Variants in PITHD1 observed in about 807,000 individuals in gnomAD.
PITHD1 encodes PITH domain containing 1, also known as PITH domain-containing protein 1.
Under a neutral mutation model 27.5 loss-of-function variants are expected in PITHD1, and 8 were observed. The ratio of observed to expected loss-of-function variants is 0.29; its 90% CI spans 0.17 to 0.52. The LOEUF (loss-of-function observed/expected upper bound fraction) is 0.52. Ranked by LOEUF, PITHD1 falls within the 20% of genes least tolerant of loss-of-function variation. The pLI is 0.96. For synonymous variants in PITHD1, 118 were observed against 106.8 expected, an observed-to-expected ratio of 1.10 and a Z score of -0.64; for missense variants, 233 against 283.9, an observed-to-expected ratio of 0.82 and a Z score of 1.29.
intron 5 of PITHD1, among the ~76,000 whole-genome samples, chr1:23,786,848 T>C (rs1010515271): frequency 5.3e-5 from 8 of 152,042 alleles, no homozygotes; most frequent in Non-Finnish European, 1.2e-4. Flanking sequence ...CATCTCAGCC[T>C]CCCAAAATGT....
At chr1:23,785,848 C>A in intron 4 of PITHD1, 69 bp downstream of exon 4, 1 of 830,098 alleles carries the variant, frequency 1.2e-6, no homozygotes, top group African/African-American at 1.7e-5. Context: ...TTTGGCCAGT[C>A]TCCTGCTCTC....
intron 3 of PITHD1, among the ~76,000 whole-genome samples, chr1:23,784,104 A>G (rs540109625): frequency 6.6e-6 from 1 of 152,304 alleles, no homozygotes; most frequent in South Asian, 2.1e-4. Flanking sequence ...CTTGAATCCT[A>G]GAAAGTCTAG....
rs763538236 is a variant in PITHD1 at position 23,778,647 on chromosome 1, C to T, written c.132C>T (p.Asn44=). The T allele has an allele frequency of 3.8e-6, 5 of 1,328,750 alleles. No individual in the cohort carries two copies. The highest frequency in any genetic ancestry group is 3.8e-6 in the Non-Finnish European group (4 of 1,040,062). 82.3% of individuals were successfully genotyped at this position (1,328,750 alleles called of 1,614,324 possible). The change falls in exon 1 of 6, where the codon AAC becomes AAT. Residue 44 remains asparagine, a synonymous_variant. Coordinates refer to ENST00000246151, the MANE Select transcript of PITHD1 (RefSeq NM_020362.5). ...RIDLERLQCL[N]ESREGSGRGV... ...ACCTGGAGCGGCTGCAATGCCTTAACGAGAGCCGCGAGGGCAGCGGCCGCG... is the reference window on the plus strand; with the variant it reads ...ACCTGGAGCGGCTGCAATGCCTTAATGAGAGCCGCGAGGGCAGCGGCCGCG...
chr1:23,786,257 T>G, intron 4 of PITHD1, 58 bp from the exon 5 acceptor site: 67 of 728,722 alleles, frequency 9.2e-5, no homozygotes, highest in Non-Finnish European at 1.5e-4. Flanking sequence ...CACATGGTGG[T>G]GAGATACTCA....
intron 3 of PITHD1, among the ~76,000 whole-genome samples, chr1:23,782,596 A>T (rs1638618966): frequency 1.3e-5 from 2 of 151,266 alleles, no homozygotes; most frequent in Admixed American, 6.6e-5. Flanking sequence ...AGCAAGGCTT[A>T]AAAAAAAATT....
Position 23,786,306 on chromosome 1 carries a change from ATCC to A in PITHD1, c.426-6_426-4del, listed in dbSNP as rs1638681450. On this transcript the variant is annotated splice_region_variant and splice_polypyrimidine_tract_variant and intron_variant, in intron 4 of 5. Coordinates refer to ENST00000246151, the MANE Select transcript of PITHD1 (RefSeq NM_020362.5). ...CATACCTTCTTTCCCTATTCCTGTCATCCTCTAGAATTTCTCGTTTTTCAAATG... is the reference window on the plus strand; with the variant it reads ...CATACCTTCTTTCCCTATTCCTGTCATCTAGAATTTCTCGTTTTTCAAATG... 2 of 1,283,064 alleles carry A rather than the reference ATCC, an allele frequency of 1.6e-6. No individual in the cohort carries two copies. The highest frequency in any genetic ancestry group is 2.3e-6 in the Non-Finnish European group (2 of 886,372). The allele number at this position is 1,283,064 out of a possible 1,614,324, so 79.5% of individuals were successfully genotyped here.
At chr1:23,784,677 T>C (rs1638658047) in intron 3 of PITHD1, among the ~76,000 whole-genome samples, 1 of 152,182 alleles carries the variant, frequency 6.6e-6, no homozygotes, top group Non-Finnish European at 1.5e-5. Context: ...AGACAGCTGC[T>C]TTTTAGATTA....
intron 3 of PITHD1, among the ~76,000 whole-genome samples, chr1:23,782,613 A>G (rs898729581): frequency 3.3e-5 from 5 of 151,986 alleles, no homozygotes; most frequent in African/African-American, 4.8e-5. Context: ...AATTATTTAT[A>G]TAGTTTGAGA....
Position 23,779,918 on chromosome 1 carries a change from C to T in PITHD1, c.297C>T (p.Asp99=). The change falls in exon 3 of 6, where the codon GAC becomes GAT. Residue 99 remains aspartate, a synonymous_variant. Coordinates refer to ENST00000246151, the MANE Select transcript of PITHD1 (RefSeq NM_020362.5). The stretch of plus-strand genomic sequence containing the variant: ...TCATTATAATGGGAGAGGATGATGA[C>T]TCACACCCCTCTGAGATGAGACTGT... ...KGIIIMGEDD[D]SHPSEMRLYK... is the part of the protein sequence containing the mutation. 3 of 1,611,972 alleles carry T rather than the reference C, an allele frequency of 1.9e-6. No individual in the cohort carries two copies. Among genetic ancestry groups the T allele is most frequent in the Non-Finnish European group, 2.5e-6 (3 of 1,178,046 alleles).
chr1:23,779,993 G>C (rs769636748), intron 3 of PITHD1, 52 bp downstream of exon 3: 37 of 1,136,358 alleles, frequency 3.3e-5, no homozygotes, highest in Non-Finnish European at 4.5e-5. Context: ...CTCTTTTTCT[G>C]GTAACATTTT....
At chr1:23,782,549 C>T (rs72872172) in intron 3 of PITHD1, among the ~76,000 whole-genome samples, 3,081 of 152,004 alleles carry the variant, frequency 0.02, 94 homozygotes, top group African/African-American at 0.069. Flanking sequence ...GAATTAAGAT[C>T]GTAAGATCAT....
At chr1:23,783,192 T>C (rs1638627498) in intron 3 of PITHD1, among the ~76,000 whole-genome samples, 1 of 150,516 alleles carries the variant, frequency 6.6e-6, no homozygotes, top group Admixed American at 6.7e-5. Context: ...AGAGATAGAG[T>C]TTCACTGTGT....
chr1:23,779,738 T>C (rs1432149893), intron 2 of PITHD1, 126 bp from the exon 3 acceptor site: 1 of 731,988 alleles, frequency 1.4e-6, no homozygotes, highest in African/African-American at 1.7e-5. Context: ...TCTTAGAAAT[T>C]ATCTAGTACA....
In PITHD1 at chr1:23,779,591, A is replaced by G. The variant is rs563221401; in HGVS notation, c.242+110A>G. On this transcript the variant is annotated intron_variant, in intron 2 of 5. Transcript: ENST00000246151. ...ACACATTTGCTTCTAGAAATGGGAT[A>G]AATTACTTTGGTGGGTTTGAGGAGG... The G allele has an allele frequency of 6.6e-6, 6 of 904,044 alleles. No homozygotes were observed. The Admixed American group carries it at 1.1e-4, about 17-fold the overall frequency. 56.0% of individuals were successfully genotyped at this position (904,044 alleles called of 1,614,324 possible). A position where few individuals can be genotyped will look rare whatever the true frequency, so the allele number is the denominator to read the frequency against.
rs1020343627 is a variant in PITHD1 at position 23,786,414 on chromosome 1, G to A, written c.525G>A (p.Glu175=). 1.3e-6 allele frequency: 2 copies of A among 1,556,828 alleles called. No individual in the cohort carries two copies. The highest frequency in any genetic ancestry group is 1.8e-6 in the Non-Finnish European group (2 of 1,130,982). The change falls in exon 5 of 6, where the codon GAG becomes GAA. Residue 175 remains glutamate (E), a synonymous_variant. Transcript: ENST00000246151. ...TCTTTTATATTGGCCTGAGAGGAGAGTGGACTGAGGTAAGATGGGGTTGGA... is the reference window on the plus strand; with the variant it reads ...TCTTTTATATTGGCCTGAGAGGAGAATGGACTGAGGTAAGATGGGGTTGGA... ...TKVFYIGLRG[E]WTELRRHEVT...
chr1:23,787,067 A>G (rs1638696421), intron 5 of PITHD1, among the ~76,000 whole-genome samples: 1 of 152,196 alleles, frequency 6.6e-6, no homozygotes, highest in Non-Finnish European at 1.5e-5. Context: ...TACAGGGTGA[A>G]TCAATGATAA....
At position 23,785,729 on chromosome 1, in the gene PITHD1, G is replaced by A. The variant is rs1638672661; in HGVS notation, c.375G>A (p.Gln125=). 6.2e-7 allele frequency: 1 copy of A among 1,611,070 alleles called. No homozygotes were observed. The highest frequency in any genetic ancestry group is 8.5e-7 in the Non-Finnish European group (1 of 1,177,296). The change falls in exon 4 of 6, where the codon CAG becomes CAA. Residue 125 remains glutamine (Q), a synonymous_variant. Coordinates refer to ENST00000246151, the MANE Select transcript of PITHD1 (RefSeq NM_020362.5). ...ATGATACAGAAAGGGAGCCAGATCAGACCTTTAGTCTGAACCGGGATCTTA... is the reference window on the plus strand; with the variant it reads ...ATGATACAGAAAGGGAGCCAGATCAAACCTTTAGTCTGAACCGGGATCTTA... The part of the protein sequence containing the change: ...SFDDTEREPD[Q]TFSLNRDLTG...
Position 23,778,508 on chromosome 1 carries a change from G to A in PITHD1, c.-8G>A. 1.5e-6 allele frequency: 2 copies of A among 1,348,276 alleles called. No homozygotes were observed. The highest frequency in any genetic ancestry group is 1.9e-6 in the Non-Finnish European group (2 of 1,056,366). 83.5% of individuals were successfully genotyped at this position (1,348,276 alleles called of 1,614,324 possible). On this transcript the variant is annotated 5_prime_UTR_variant, in exon 1 of 6. Transcript: ENST00000246151. ...GGGCCGAGAGGACGCGCAGGTGGCGGCGTTGCCATGTCGCACGGTCACAGC... is the reference window on the plus strand; with the variant it reads ...GGGCCGAGAGGACGCGCAGGTGGCGACGTTGCCATGTCGCACGGTCACAGC...
rs774484769 is a variant in PITHD1, at chr1:23,784,234, C to CTTTTTTT, written c.321-1423_321-1417dup. 2.0e-3 allele frequency among the ~76,000 whole-genome samples: 159 copies of CTTTTTTT among 81,448 alleles called. 1 individual carries two copies. Among genetic ancestry groups the CTTTTTTT allele is most frequent in the Non-Finnish European group, 2.5e-3 (115 of 45,240 alleles). 53.4% of individuals were successfully genotyped at this position (81,448 alleles called of 152,430 possible). A position where few individuals can be genotyped will look rare whatever the true frequency, so the allele number is the denominator to read the frequency against. On this transcript the variant is annotated intron_variant, in intron 3 of 5. Transcript: ENST00000246151. ...ACACTTTGAAGTAAACATTTGCTTT[C>CTTTTTTT]TTTTTTTTTTTTTTTTTTTTTTTTG...
Sources: allele counts gnomAD v4.1 joint callset (sites outside exome capture counted in the v4.1 genomes callset), GRCh38; gene constraint gnomAD v4.1.1; transcripts MANE v1.5; gene names NCBI Gene and HGNC (gene_info 2026-07-23, HGNC 2026-07-21).